The following IQCH variants were observed in gnomAD, a reference collection of about 807,000 sequenced individuals.
IQCH encodes the protein IQ motif containing H, also known as IQ domain-containing protein H.
IQCH carries 98 observed loss-of-function variants against 117.0 expected under a neutral mutation model. The ratio of observed to expected loss-of-function variants is 0.84; its 90% confidence interval spans 0.71 to 0.99. The LOEUF is 0.99. Ranked by LOEUF, IQCH falls within the 50% of genes least tolerant of loss-of-function variation. The pLI, the probability that IQCH is intolerant of heterozygous loss-of-function variation, is 0.00. For missense variants in IQCH, 1,102 were observed against 1,243.8 expected (o/e 0.89, Z 1.72); for synonymous variants, 412 against 448.2 (o/e 0.92, Z 1.02).
rs1403749202 is a variant in IQCH, at chr15:67,425,986, A to T, written c.2505+4409A>T. 6.6e-6 allele frequency among the ~76,000 whole-genome samples: 1 copy of T among 152,186 alleles called. No homozygotes were observed. Among genetic ancestry groups the T allele is most frequent in the Non-Finnish European group, 1.5e-5 (1 of 68,024 alleles). On this transcript the variant is annotated intron_variant, in intron 16 of 20. Coordinates refer to ENST00000335894, the MANE Select transcript of IQCH (RefSeq NM_001031715.3). The surrounding 1 kb of genome is among the most constrained non-coding windows in gnomAD (Gnocchi z 5.5). Reference sequence around the variant, plus strand: ...TCAGTTGTTCCAGATTTGGCCAGTGAGAGACCCTTCAGGGTGTGTCTTGTG... The same window carrying T: ...TCAGTTGTTCCAGATTTGGCCAGTGTGAGACCCTTCAGGGTGTGTCTTGTG...
intron 4 of IQCH, among the ~76,000 whole-genome samples, chr15:67,320,730 A>G (rs939090574): frequency 1.3e-5 from 2 of 152,302 alleles, no homozygotes; most frequent in Non-Finnish European, 1.5e-5. Context: ...TTATAGCTAT[A>G]TCATTGTTAG....
chr15:67,421,235 C>A, intron 15 of IQCH, 56 bp from the exon 16 acceptor site: 1 of 1,466,922 alleles, frequency 6.8e-7, no homozygotes, highest in Non-Finnish European at 9.4e-7. Flanking sequence ...AGAATCTGAG[C>A]CCAAGTCAAA....
intron 20 of IQCH, among the ~76,000 whole-genome samples, chr15:67,498,525 A>G (rs972373763): frequency 1.3e-5 from 2 of 152,004 alleles, no homozygotes; most frequent in African/African-American, 4.8e-5. Context: ...CTGAGGCAGG[A>G]GAATCACTTG....
intron 16 of IQCH, among the ~76,000 whole-genome samples, chr15:67,444,866 T>G (rs1439188666): frequency 6.6e-6 from 1 of 152,176 alleles, no homozygotes; most frequent in Non-Finnish European, 1.5e-5. Flanking sequence ...TTAACTTAAT[T>G]AAATATATAG....
chr15:67,480,907 G>A (rs2083321802), intron 18 of IQCH, among the ~76,000 whole-genome samples: 1 of 151,932 alleles, frequency 6.6e-6, no homozygotes, highest in African/African-American at 2.4e-5. Context: ...CAAAAAATAT[G>A]AGCTTCTGAA....
chr15:67,431,530 T>A lies in IQCH; in HGVS notation c.2505+9953T>A, dbSNP rs947106581. 2.6e-5 allele frequency among the ~76,000 whole-genome samples: 4 copies of A among 152,080 alleles called. No individual in the cohort carries two copies. The highest frequency in any genetic ancestry group is 5.9e-5 in the Non-Finnish European group (4 of 68,018). On this transcript the variant is annotated intron_variant, in intron 16 of 20. Transcript: ENST00000335894. The surrounding 1 kb of genome is among the most constrained non-coding windows in gnomAD (Gnocchi z 4.8). ...GGAGAGAATCAGGAAAAATAACTCC[T>A]GGGTACTAGGCTTAATACCTGGGTG...
rs753678613 is a variant in IQCH at position 67,342,595 on chromosome 15, G to A, written c.509-1468G>A. On this transcript the variant is annotated intron_variant, in intron 5 of 20. Coordinates refer to ENST00000335894, the MANE Select transcript of IQCH (RefSeq NM_001031715.3). This position sits in a 1 kb window ranked among gnomAD's most constrained non-coding sequence, Gnocchi z 4.7. ...TTCACATCTGCAAAACAGAGTTCTT[G>A]GAAATGAAATTTGATATTTATAGGT... 2.6e-5 allele frequency among the ~76,000 whole-genome samples: 4 copies of A among 151,990 alleles called. No homozygotes were observed. Among genetic ancestry groups the A allele is most frequent in the Non-Finnish European group, 5.9e-5 (4 of 68,002 alleles).
chr15:67,275,336 C>T (rs1207697402), intron 3 of IQCH, among the ~76,000 whole-genome samples: 2 of 152,072 alleles, frequency 1.3e-5, no homozygotes, highest in Non-Finnish European at 2.9e-5. Flanking sequence ...AGAGGAGTCA[C>T]GGATATAGAA....
chr15:67,379,706 C>A (rs1008159823), intron 10 of IQCH, among the ~76,000 whole-genome samples: 1 of 152,148 alleles, frequency 6.6e-6, no homozygotes, highest in African/African-American at 2.4e-5. Context: ...GGCACTTCCC[C>A]CCTCATTCAC....
chr15:67,468,080 T>G (rs2082978462), intron 17 of IQCH, among the ~76,000 whole-genome samples: 1 of 152,206 alleles, frequency 6.6e-6, no homozygotes, highest in Non-Finnish European at 1.5e-5. Flanking sequence ...GTGCGTGTTT[T>G]AGAAATGAAA....
chr15:67,470,168 T>TTTTG (rs959553981), intron 17 of IQCH, among the ~76,000 whole-genome samples: 13 of 152,244 alleles, frequency 8.5e-5, no homozygotes, highest in East Asian at 3.9e-4. Flanking sequence ...CTTAGGGTTT[T>TTTTG]TTTGTTTGTT....
At chr15:67,332,925 G>T (rs548281926) in intron 4 of IQCH, among the ~76,000 whole-genome samples, 1 of 152,272 alleles carries the variant, frequency 6.6e-6, no homozygotes, top group South Asian at 2.1e-4. Flanking sequence ...GATAAACTGG[G>T]TGGTTTATAA....
rs138890557 is a variant in IQCH at position 67,323,425 on chromosome 15, G to A, written c.388-13550G>A. ...GCCTGGCTAATTTTTTGTATTTTTAGTGAAGACGGGGTTTCACCGTGTTAG... is the reference window on the plus strand; with the variant it reads ...GCCTGGCTAATTTTTTGTATTTTTAATGAAGACGGGGTTTCACCGTGTTAG... On this transcript the variant is annotated intron_variant, in intron 4 of 20. Coordinates refer to ENST00000335894, the MANE Select transcript of IQCH (RefSeq NM_001031715.3). 1.1e-3 allele frequency among the ~76,000 whole-genome samples: 170 copies of A among 151,836 alleles called. 5 individuals carry two copies. In the East Asian group the frequency reaches 0.032, roughly 28 times the overall value.
At chr15:67,437,712 A>G (rs931700106) in intron 16 of IQCH, among the ~76,000 whole-genome samples, 25 of 152,214 alleles carry the variant, frequency 1.6e-4, no homozygotes, top group African/African-American at 6.0e-4. Flanking sequence ...ACAATCAAGA[A>G]TACAGGAAAC....
intron 3 of IQCH, among the ~76,000 whole-genome samples, chr15:67,269,864 T>G (rs1965830061): frequency 6.6e-6 from 1 of 152,186 alleles, no homozygotes; most frequent in South Asian, 2.1e-4. Context: ...ATATACCACA[T>G]TTTCTTTATC....
intron 6 of IQCH, among the ~76,000 whole-genome samples, chr15:67,351,261 C>T (rs1969650197): frequency 6.6e-6 from 1 of 151,800 alleles, no homozygotes; most frequent in African/African-American, 2.4e-5. Context: ...CCCCAACAGT[C>T]CCTGGTGTGT....
chr15:67,471,272 A>C (rs1043839205), intron 17 of IQCH, among the ~76,000 whole-genome samples: 1 of 133,258 alleles, frequency 7.5e-6, no homozygotes, highest in Non-Finnish European at 1.6e-5. Context: ...AAAATTTTTA[A>C]TTTCAATAGA....
intron 4 of IQCH, chr15:67,281,906 G>C (rs1309702163): frequency 2.6e-6 from 1 of 379,780 alleles, no homozygotes; most frequent in Non-Finnish European, 5.2e-6. Flanking sequence ...TCAGGCTCCT[G>C]TGAACTCCCA....
At chr15:67,267,348 G>C (rs556137290) in intron 3 of IQCH, among the ~76,000 whole-genome samples, 4 of 149,370 alleles carry the variant, frequency 2.7e-5, no homozygotes, top group South Asian at 2.1e-4. Flanking sequence ...TGGCTCTCAG[G>C]GGGGCATCCT....
Sources: gnomAD v4.1 joint callset for allele counts (sites outside exome capture counted in the v4.1 genomes callset) on GRCh38, gnomAD v4.1.1 for gene constraint, Gnocchi (gnomAD v3.1) non-coding constraint, MANE v1.5 for transcripts, NCBI Gene and HGNC (gene_info 2026-07-23, HGNC 2026-07-21) for gene names.